IL1RAPL2: variants seen among roughly 807,000 people sequenced by gnomAD.
IL1RAPL2 encodes X-linked interleukin-1 receptor accessory protein-like 2.
Under a neutral mutation model 44.1 loss-of-function variants are expected in IL1RAPL2, and 3 were observed. That is an observed-to-expected ratio of 0.07 (90% CI 0.03 to 0.18). IL1RAPL2 has a LOEUF of 0.18. IL1RAPL2 is among the 10% of genes least tolerant of loss of function. IL1RAPL2 has a pLI of 1.00. For synonymous variants in IL1RAPL2, 181 were observed against 178.8 expected (o/e 1.01, Z -0.10); for missense variants, 391 against 496.4 (o/e 0.79, Z 2.02).
chrX:104,776,427 G>A, intron 2 of IL1RAPL2, among the ~76,000 whole-genome samples: 1 of 112,013 alleles, frequency 8.9e-6, no homozygotes, highest in Non-Finnish European at 1.9e-5. Flanking sequence ...CACTAAGTTA[G>A]ATGTTTGACC....
At chrX:104,950,640 C>T (rs1602847083) in intron 2 of IL1RAPL2, among the ~76,000 whole-genome samples, 1 of 112,606 alleles carries the variant, frequency 8.9e-6, no homozygotes, top group Non-Finnish European at 1.9e-5. Flanking sequence ...GGGCGTAGGA[C>T]CCTCCGAGCT....
chrX:104,626,994 T>A (rs189798983), intron 1 of IL1RAPL2, among the ~76,000 whole-genome samples: 1,357 of 109,092 alleles, frequency 0.012, 31 homozygotes, highest in African/African-American at 0.042. Context: ...AATTTTTGTA[T>A]TTTTAGTAGA....
chrX:105,094,380 C>A (rs930833280), intron 2 of IL1RAPL2, among the ~76,000 whole-genome samples: 1 of 111,554 alleles, frequency 9.0e-6, no homozygotes, highest in Non-Finnish European at 1.9e-5. Flanking sequence ...AACTACATAT[C>A]ATACATATGC....
chrX:104,949,254 C>T (rs1215561169), intron 2 of IL1RAPL2, among the ~76,000 whole-genome samples: 11 of 109,476 alleles, frequency 1.0e-4, no homozygotes, highest in South Asian at 4.0e-4. Context: ...TCTGTGGGAT[C>T]GGTGGTGATA....
intron 2 of IL1RAPL2, among the ~76,000 whole-genome samples, chrX:105,067,551 C>T (rs2032153229): frequency 9.0e-6 from 1 of 111,482 alleles, no homozygotes; most frequent in Admixed American, 9.6e-5. Context: ...CATACCAACC[C>T]TATGAGGTAG....
intron 2 of IL1RAPL2, among the ~76,000 whole-genome samples, chrX:104,969,597 T>C (rs760446764): frequency 7.4e-4 from 83 of 111,511 alleles, no homozygotes; most frequent in African/African-American, 2.6e-3. Flanking sequence ...GGAAAGATAT[T>C]TGCAAGGCAT....
intron 2 of IL1RAPL2, among the ~76,000 whole-genome samples, chrX:104,846,644 C>A: frequency 8.9e-6 from 1 of 111,770 alleles, no homozygotes; most frequent in East Asian, 2.8e-4. Context: ...GTGAATGGTG[C>A]CTCAGTAAAC....
intron 2 of IL1RAPL2, among the ~76,000 whole-genome samples, chrX:105,081,342 G>A (rs2032403603): frequency 9.0e-6 from 1 of 111,349 alleles, no homozygotes; most frequent in Non-Finnish European, 1.9e-5. Flanking sequence ...CAGTAAGAAA[G>A]TAAGGGATAT....
chrX:104,898,041 C>CT (rs941349246), intron 2 of IL1RAPL2, among the ~76,000 whole-genome samples: 7 of 111,814 alleles, frequency 6.3e-5, no homozygotes, highest in Admixed American at 1.9e-4. Flanking sequence ...AGCCCCCGTT[C>CT]TTGGTCTTGG....
At chrX:105,710,559 G>A (rs1335566471) in intron 6 of IL1RAPL2, among the ~76,000 whole-genome samples, 1 of 109,640 alleles carries the variant, frequency 9.1e-6, no homozygotes, top group African/African-American at 3.3e-5. Context: ...TAGAAATGAT[G>A]GGGAGAGGGC....
intron 4 of IL1RAPL2, among the ~76,000 whole-genome samples, chrX:105,264,805 C>G (rs1383726422): frequency 9.1e-6 from 1 of 110,060 alleles, no homozygotes; most frequent in African/African-American, 3.3e-5. Context: ...GATGTCTTAC[C>G]CTAAAGCCAG....
intron 2 of IL1RAPL2, among the ~76,000 whole-genome samples, chrX:104,962,886 G>A (rs2030036080): frequency 8.9e-6 from 1 of 111,941 alleles, no homozygotes; most frequent in Admixed American, 9.5e-5. Context: ...CTGTCTAATA[G>A]GAGCGTTGGA....
Position 105,301,766 on chromosome X carries a change from A to G in IL1RAPL2, c.697+34225A>G, listed in dbSNP as rs557240469. 1.2e-4 allele frequency among the ~76,000 whole-genome samples: 14 copies of G among 112,352 alleles called. No homozygotes were observed. In the South Asian group the frequency reaches 2.9e-3, roughly 24 times the overall value. On this transcript the variant is annotated intron_variant, in intron 5 of 10. Coordinates refer to ENST00000372582, the MANE Select transcript of IL1RAPL2 (RefSeq NM_017416.2). ...ATATGTACCACATTTTTAAAAATCCATTAATCTGTTGATGGACACTTGGTT... is the reference window on the plus strand; with the variant it reads ...ATATGTACCACATTTTTAAAAATCCGTTAATCTGTTGATGGACACTTGGTT...
At chrX:105,382,305 C>T (rs1482758718) in intron 5 of IL1RAPL2, among the ~76,000 whole-genome samples, 5 of 107,569 alleles carry the variant, frequency 4.6e-5, no homozygotes, top group Non-Finnish European at 9.5e-5. Context: ...AACAAGTGGG[C>T]GAAGGATATG....
chrX:104,907,108 C>T (rs1320269516), intron 2 of IL1RAPL2, among the ~76,000 whole-genome samples: 1 of 111,030 alleles, frequency 9.0e-6, no homozygotes, highest in Non-Finnish European at 1.9e-5. Flanking sequence ...TTGTAGTATT[C>T]TCTGATGGTA....
intron 6 of IL1RAPL2, among the ~76,000 whole-genome samples, chrX:105,525,632 CTT>C (rs1000863806): frequency 9.0e-6 from 1 of 111,280 alleles, no homozygotes; most frequent in African/African-American, 3.3e-5. Flanking sequence ...TCATTTCACT[CTT>C]TATATAAATG....
intron 2 of IL1RAPL2, among the ~76,000 whole-genome samples, chrX:104,885,199 A>G (rs1235856522): frequency 8.9e-6 from 1 of 111,777 alleles, no homozygotes; most frequent in Non-Finnish European, 1.9e-5. Flanking sequence ...GATACCTGGT[A>G]TCTTAGTCAA....
rs181472863 is a variant in IL1RAPL2, at chrX:105,277,813, G to A, written c.697+10272G>A. On this transcript the variant is annotated intron_variant, in intron 5 of 10. Transcript: ENST00000372582. ...AGGTCAACAATATTCATGACCTTGGGGAACTAGAAGAAAAAAAATCCTACT... is the reference window on the plus strand; with the variant it reads ...AGGTCAACAATATTCATGACCTTGGAGAACTAGAAGAAAAAAAATCCTACT... Among the ~76,000 whole-genome samples, 843 of 109,224 alleles carry A rather than the reference G, an allele frequency of 7.7e-3. 9 individuals carry two copies. Among genetic ancestry groups the A allele is most frequent in the Non-Finnish European group, 0.013 (694 of 52,770 alleles). 94.8% of individuals were successfully genotyped at this position (109,224 alleles called of 115,157 possible). A position where few individuals can be genotyped will look rare whatever the true frequency, so the allele number is the denominator to read the frequency against.
chrX:105,447,659 A>AT (rs2035978373), intron 5 of IL1RAPL2, among the ~76,000 whole-genome samples: 2 of 82,102 alleles, frequency 2.4e-5, no homozygotes, highest in East Asian at 4.3e-4. Flanking sequence ...AAATATAAAT[A>AT]AATATAAATA....
Sources: allele counts gnomAD v4.1 joint callset (sites outside exome capture counted in the v4.1 genomes callset), GRCh38; gene constraint gnomAD v4.1.1; transcripts MANE v1.5; gene names NCBI Gene and HGNC (gene_info 2026-07-23, HGNC 2026-07-21).